NKAIN2: variants seen among roughly 807,000 people sequenced by gnomAD.
The protein encoded by NKAIN2 is sodium/potassium-transporting ATPase subunit beta-1-interacting protein 2.
Under a neutral mutation model 32.6 loss-of-function variants are expected in NKAIN2, and 14 were observed. The observed-to-expected ratio is 0.43, with a 90% CI of 0.28 to 0.67. NKAIN2 has a LOEUF of 0.67. Ranked by LOEUF, NKAIN2 falls within the 30% of genes least tolerant of loss-of-function variation. The pLI is 0.17. For synonymous variants in NKAIN2, 80 were observed against 87.2 expected, an observed-to-expected ratio of 0.92 and a Z score of 0.46; for missense variants, 198 against 258.3, an observed-to-expected ratio of 0.77 and a Z score of 1.60.
chr6:124,502,964 G>A (rs189489386), intron 3 of NKAIN2, among the ~76,000 whole-genome samples: 3 of 152,040 alleles, frequency 2.0e-5, no homozygotes, highest in African/African-American at 7.2e-5. Context: ...ATAAATTTTA[G>A]AATCATCTTG....
intron 1 of NKAIN2, among the ~76,000 whole-genome samples, chr6:124,021,233 G>A (rs1360505730): frequency 6.6e-6 from 1 of 151,942 alleles, no homozygotes; most frequent in East Asian, 1.9e-4. Context: ...GCACACACAC[G>A]TACACACACG....
chr6:124,587,461 G>T (rs529027520), intron 3 of NKAIN2, among the ~76,000 whole-genome samples: 1 of 151,988 alleles, frequency 6.6e-6, no homozygotes, highest in South Asian at 2.1e-4. Context: ...CTCGTGATCC[G>T]CCTGGTTTGG....
intron 4 of NKAIN2, among the ~76,000 whole-genome samples, chr6:124,735,732 G>A (rs557708509): frequency 6.6e-6 from 1 of 151,968 alleles, no homozygotes; most frequent in South Asian, 2.1e-4. Flanking sequence ...TCTGTGATCA[G>A]TCATCTTTGA....
At chr6:124,167,932 C>T (rs1788644766) in intron 1 of NKAIN2, among the ~76,000 whole-genome samples, 1 of 152,108 alleles carries the variant, frequency 6.6e-6, no homozygotes, top group African/African-American at 2.4e-5. Context: ...TAATGTTTAT[C>T]AAAGTACATG....
chr6:124,657,474 G>A (rs903495007), intron 3 of NKAIN2, among the ~76,000 whole-genome samples: 8 of 151,890 alleles, frequency 5.3e-5, no homozygotes, highest in Non-Finnish European at 1.2e-4. Context: ...TTACAGCTGG[G>A]TATCACCTAA....
At chr6:124,794,925 A>G in intron 5 of NKAIN2, 1 of 679,990 alleles carries the variant, frequency 1.5e-6, no homozygotes. Context: ...TTATATTACA[A>G]AAAATTATCC....
chr6:124,168,755 T>A (rs1788698933), intron 1 of NKAIN2, among the ~76,000 whole-genome samples: 1 of 152,116 alleles, frequency 6.6e-6, no homozygotes. Context: ...AGTAACAGCC[T>A]CTTGTAAATT....
At chr6:124,073,415 T>C (rs562651206) in intron 1 of NKAIN2, among the ~76,000 whole-genome samples, 3 of 152,316 alleles carry the variant, frequency 2.0e-5, no homozygotes, top group East Asian at 1.9e-4. Context: ...ATAAAGTATA[T>C]TTAAATATCT....
chr6:123,931,393 G>C (rs1776246946), intron 1 of NKAIN2, among the ~76,000 whole-genome samples: 1 of 151,988 alleles, frequency 6.6e-6, no homozygotes, highest in South Asian at 2.1e-4. Flanking sequence ...TGGTACTCTT[G>C]AAAGTTAAGA....
At chr6:124,548,390 T>C (rs1583422510) in intron 3 of NKAIN2, among the ~76,000 whole-genome samples, 1 of 152,296 alleles carries the variant, frequency 6.6e-6, no homozygotes, top group Non-Finnish European at 1.5e-5. Flanking sequence ...GCAGATAACA[T>C]AATTAAGATT....
chr6:123,835,215 A>G (rs953821206), intron 1 of NKAIN2, among the ~76,000 whole-genome samples: 4 of 152,180 alleles, frequency 2.6e-5, no homozygotes, highest in African/African-American at 9.7e-5. Context: ...TGCCATTACT[A>G]TTGAATTATA....
intron 1 of NKAIN2, among the ~76,000 whole-genome samples, chr6:124,071,528 G>A (rs923281409): frequency 6.6e-6 from 1 of 152,088 alleles, no homozygotes; most frequent in Non-Finnish European, 1.5e-5. Flanking sequence ...TATCAACAGA[G>A]TAAACAGACA....
chr6:124,293,376 A>T (rs558919317), intron 2 of NKAIN2, among the ~76,000 whole-genome samples: 149 of 152,000 alleles, frequency 9.8e-4, no homozygotes, highest in Non-Finnish European at 1.7e-3. Context: ...TTGCATCCTT[A>T]TTAAAAATGC....
At chr6:124,541,878 A>C (rs1779925462) in intron 3 of NKAIN2, among the ~76,000 whole-genome samples, 1 of 152,178 alleles carries the variant, frequency 6.6e-6, no homozygotes, top group Non-Finnish European at 1.5e-5. Flanking sequence ...CAGACAATAC[A>C]ACATTTGCTT....
intron 2 of NKAIN2, 45 bp downstream of exon 2, chr6:124,283,187 A>G: frequency 2.8e-6 from 4 of 1,410,844 alleles, no homozygotes; most frequent in Non-Finnish European, 4.0e-6. Flanking sequence ...GAACTAGAGA[A>G]TGATGTGCAA....
intron 3 of NKAIN2, among the ~76,000 whole-genome samples, chr6:124,547,201 A>G (rs1478187828): frequency 6.6e-6 from 1 of 152,222 alleles, no homozygotes; most frequent in African/African-American, 2.4e-5. Context: ...TATTCATTGC[A>G]AATGGTGTTA....
chr6:123,994,016 C>T (rs954460650), intron 1 of NKAIN2, among the ~76,000 whole-genome samples: 1 of 151,986 alleles, frequency 6.6e-6, no homozygotes, highest in Non-Finnish European at 1.5e-5. Flanking sequence ...AGGTATAGAG[C>T]CAGATTGACC....
intron 1 of NKAIN2, among the ~76,000 whole-genome samples, chr6:123,966,163 C>G (rs1016426678): frequency 6.6e-6 from 1 of 152,174 alleles, no homozygotes; most frequent in Non-Finnish European, 1.5e-5. Context: ...GGAATCTTCT[C>G]TTTGGTGATT....
chr6:123,854,917 A>AGT (rs1775498644), intron 1 of NKAIN2, among the ~76,000 whole-genome samples: 1 of 152,190 alleles, frequency 6.6e-6, no homozygotes, highest in Non-Finnish European at 1.5e-5. Context: ...ACAGGACACC[A>AGT]GTGACTATTC....
Sources: allele counts gnomAD v4.1 joint callset (sites outside exome capture counted in the v4.1 genomes callset), GRCh38; gene constraint gnomAD v4.1.1; transcripts MANE v1.5; gene names NCBI Gene and HGNC (gene_info 2026-07-23, HGNC 2026-07-21).